Variants in KCTD16 observed in about 807,000 individuals in gnomAD.
KCTD16 encodes potassium channel tetramerization domain containing 16.
KCTD16 carries 13 observed loss-of-function variants against 33.2 expected under a neutral mutation model. That is an observed-to-expected ratio of 0.39 (90% CI 0.25 to 0.62). KCTD16 has a LOEUF of 0.62. Ranked by LOEUF, KCTD16 falls within the 20% of genes least tolerant of loss-of-function variation. KCTD16 has a pLI of 0.50. For missense variants in KCTD16, 441 were observed against 525.1 expected (o/e 0.84, Z 1.57); for synonymous variants, 197 against 195.3 (o/e 1.01, Z -0.07).
At chr5:144,214,575 T>G (rs1053806784) in intron 3 of KCTD16, among the ~76,000 whole-genome samples, 1 of 152,228 alleles carries the variant, frequency 6.6e-6, no homozygotes, top group African/African-American at 2.4e-5. Context: ...ATAACAGATC[T>G]TTTTTAGTTC....
At chr5:144,177,814 T>C (rs1752538366) in intron 2 of KCTD16, among the ~76,000 whole-genome samples, 1 of 152,224 alleles carries the variant, frequency 6.6e-6, no homozygotes, top group Non-Finnish European at 1.5e-5. Flanking sequence ...TGGGGGGATG[T>C]ACAGTTGAAT....
chr5:144,322,676 C>A (rs1431938578), intron 3 of KCTD16, among the ~76,000 whole-genome samples: 1 of 151,484 alleles, frequency 6.6e-6, no homozygotes, highest in Non-Finnish European at 1.5e-5. Context: ...TTTGCTTAAG[C>A]CATTGTGGGT....
chr5:144,242,347 ATAT>A (rs1312049009), intron 3 of KCTD16, among the ~76,000 whole-genome samples: 1 of 152,060 alleles, frequency 6.6e-6, no homozygotes, highest in Non-Finnish European at 1.5e-5. Context: ...TGGTAATAAA[ATAT>A]TATTATTACT....
At chr5:144,345,549 C>G (rs1307415377) in intron 3 of KCTD16, among the ~76,000 whole-genome samples, 1 of 152,020 alleles carries the variant, frequency 6.6e-6, no homozygotes, top group Non-Finnish European at 1.5e-5. Context: ...TTTTCTTCCT[C>G]TTATCCATTC....
intron 3 of KCTD16, among the ~76,000 whole-genome samples, chr5:144,343,069 G>T (rs1009838198): frequency 1.3e-5 from 2 of 152,138 alleles, no homozygotes; most frequent in African/African-American, 4.8e-5. Flanking sequence ...CCAGGCTTTG[G>T]TATCAGGATG....
chr5:144,208,887 G>C (rs1432901535), intron 3 of KCTD16, among the ~76,000 whole-genome samples: 1 of 152,220 alleles, frequency 6.6e-6, no homozygotes, highest in Non-Finnish European at 1.5e-5. Flanking sequence ...AATCCTATCT[G>C]TGGCCTTTAT....
intron 2 of KCTD16, among the ~76,000 whole-genome samples, chr5:144,191,669 G>C (rs1176809959): frequency 6.6e-6 from 1 of 152,034 alleles, no homozygotes; most frequent in Non-Finnish European, 1.5e-5. Flanking sequence ...CCTCCTCTTT[G>C]GGGGTGTTTA....
intron 3 of KCTD16, among the ~76,000 whole-genome samples, chr5:144,277,405 C>T (rs1420778782): frequency 6.6e-6 from 1 of 152,148 alleles, no homozygotes; most frequent in Non-Finnish European, 1.5e-5. Flanking sequence ...GTAGGGTGCA[C>T]ACTAAGCTTA....
intron 2 of KCTD16, among the ~76,000 whole-genome samples, chr5:144,176,510 C>T (rs1259919338): frequency 6.8e-6 from 1 of 147,564 alleles, no homozygotes; most frequent in Non-Finnish European, 1.5e-5. Context: ...TCACGCCATT[C>T]TCCTGCCTCA....
intron 3 of KCTD16, among the ~76,000 whole-genome samples, chr5:144,345,632 A>G (rs1319742277): frequency 6.6e-6 from 1 of 152,214 alleles, no homozygotes; most frequent in Non-Finnish European, 1.5e-5. Flanking sequence ...AGCAGTGAAC[A>G]AGATAGGTAA....
intron 3 of KCTD16, among the ~76,000 whole-genome samples, chr5:144,448,138 T>C (rs550971672): frequency 2.0e-5 from 3 of 151,768 alleles, no homozygotes; most frequent in South Asian, 2.1e-4. Context: ...CACTATCCCA[T>C]TGATGCTGTA....
At chr5:144,210,682 T>G (rs529035386) in intron 3 of KCTD16, among the ~76,000 whole-genome samples, 3 of 152,234 alleles carry the variant, frequency 2.0e-5, no homozygotes, top group African/African-American at 7.2e-5. Context: ...CAATAACAAT[T>G]CACATCACTT....
intron 3 of KCTD16, among the ~76,000 whole-genome samples, chr5:144,418,262 G>C (rs558426988): frequency 1.3e-5 from 2 of 152,142 alleles, no homozygotes; most frequent in Non-Finnish European, 2.9e-5. Flanking sequence ...TCCACAGCGT[G>C]GAAGGAGACC....
At chr5:144,232,702 C>A (rs1008568313) in intron 3 of KCTD16, among the ~76,000 whole-genome samples, 1 of 152,042 alleles carries the variant, frequency 6.6e-6, no homozygotes, top group Non-Finnish European at 1.5e-5. Context: ...ATAAAATGAA[C>A]CATGTATTTA....
chr5:144,299,072 A>ATATATATATATATATT (rs1491103244), intron 3 of KCTD16, among the ~76,000 whole-genome samples: 1 of 57,432 alleles, frequency 1.7e-5, no homozygotes, highest in Non-Finnish European at 3.4e-5. Context: ...ATATATATAT[A>ATATATATATATATATT]TTTTTGTATA....
intron 2 of KCTD16, among the ~76,000 whole-genome samples, chr5:144,192,556 T>C (rs746824905): frequency 6.6e-6 from 1 of 152,218 alleles, no homozygotes; most frequent in African/African-American, 2.4e-5. Context: ...TTACATGATT[T>C]CTTCTAGTTC....
At chr5:144,230,161 A>AACAAT (rs1754058849) in intron 3 of KCTD16, among the ~76,000 whole-genome samples, 1 of 152,178 alleles carries the variant, frequency 6.6e-6, no homozygotes, top group African/African-American at 2.4e-5. Flanking sequence ...AACAAAACAA[A>AACAAT]ATCAGCAGTG....
rs1754592538 is a variant in KCTD16 at position 144,476,266 on chromosome 5, T to TG, written c.*2157dup. The stretch of plus-strand genomic sequence containing the variant: ...TCACTGGAAGTACTGTCAAAGACTT[T>TG]GGGGGTCTAACTAAAATGGCCAAAG... On this transcript the variant is annotated 3_prime_UTR_variant, in exon 4 of 4. Coordinates refer to ENST00000512467, the MANE Select transcript of KCTD16 (RefSeq NM_020768.4). 6.6e-6 allele frequency: 1 copy of TG among 152,196 alleles called. No homozygotes were observed. The highest frequency in any genetic ancestry group is 2.4e-5 in the African/African-American group (1 of 41,458). 9.4% of individuals were successfully genotyped at this position (152,196 alleles called of 1,614,324 possible).
intron 3 of KCTD16, among the ~76,000 whole-genome samples, chr5:144,247,523 C>G (rs2126827415): frequency 6.6e-6 from 1 of 152,288 alleles, no homozygotes; most frequent in Admixed American, 6.5e-5. Context: ...ATAAACTATT[C>G]CCACTGTGCT....
Sources: allele counts gnomAD v4.1 joint callset (sites outside exome capture counted in the v4.1 genomes callset), GRCh38; gene constraint gnomAD v4.1.1; transcripts MANE v1.5; gene names NCBI Gene and HGNC (gene_info 2026-07-23, HGNC 2026-07-21).